The following NQO2 variants were observed in gnomAD, a reference collection of about 807,000 sequenced individuals.
NQO2 encodes ribosyldihydronicotinamide dehydrogenase [quinone].
A neutral mutation model predicts 22.0 loss-of-function variants in NQO2; 18 were observed. The observed-to-expected ratio is 0.82, with a 90% CI of 0.56 to 1.21. The LOEUF is 1.21. NQO2 is among the 50% of genes most tolerant of loss of function. NQO2 has a pLI of 0.00. For missense variants in NQO2, 267 were observed against 286.9 expected (o/e 0.93, Z 0.50); for synonymous variants, 106 against 110.8 (o/e 0.96, Z 0.28).
At position 3,015,522 on chromosome 6, in the gene NQO2, GC is replaced by G. The variant is rs1561716461; in HGVS notation, c.304-5del. On this transcript the variant is annotated splice_region_variant and splice_polypyrimidine_tract_variant and intron_variant, in intron 4 of 6. Transcript: ENST00000380455. ...GCCTCAGTTTCTCTTTGGTGTTGCC[GC>G]CCACAGTTCCCGCTGTACTGGTTCA... The G allele has an allele frequency of 6.2e-7, 1 of 1,611,258 alleles. No homozygotes were observed.
At position 3,006,625 on chromosome 6, in the gene NQO2, A is replaced by G. The variant is rs28383616; in HGVS notation, c.7+66A>G. 84,111 of 1,496,444 alleles carry G rather than the reference A, an allele frequency of 0.056. 2,842 individuals are homozygous for G. Among genetic ancestry groups the G allele is most frequent in the Middle Eastern group, 0.083 (462 of 5,566 alleles). 92.7% of individuals were successfully genotyped at this position (1,496,444 alleles called of 1,614,324 possible). On this transcript the variant is annotated intron_variant, in intron 2 of 6. Transcript: ENST00000380455. This position sits in a 1 kb window ranked among gnomAD's most constrained non-coding sequence, Gnocchi z 4.0. ...GAGATGGGATTTTGTTGTATTGCCC[A>G]GGCTGGTCTCAAACTCCTGAGCTCA...
At chr6:3,006,000 A>G (rs1033822772) in intron 1 of NQO2, among the ~76,000 whole-genome samples, 1 of 152,180 alleles carries the variant, frequency 6.6e-6, no homozygotes. Flanking sequence ...GCCTGGGTCT[A>G]AGCCAACTCC....
intron 4 of NQO2, 162 bp from the exon 5 acceptor site, chr6:3,015,368 C>T (rs1757286919): frequency 1.0e-5 from 10 of 985,336 alleles, no homozygotes; most frequent in Non-Finnish European, 1.2e-5. Context: ...GTCTGACACC[C>T]ACACTGCACC....
Position 3,012,543 on chromosome 6 carries a change from G to A in NQO2, c.173-1G>A, listed in dbSNP as rs751167899. The A allele has an allele frequency of 1.9e-6, 3 of 1,613,936 alleles. No individual in the cohort carries two copies. In the Admixed American group the frequency reaches 5.0e-5, roughly 27 times the overall value. On this transcript the variant is annotated splice_acceptor_variant, in intron 3 of 6. Transcript: ENST00000380455. LOFTEE classifies it high-confidence loss of function. ...AGAATGTTTGGCCTCTTCCCCGACA[G>A]GTACTCTTTCTAATCCTGAGGTTTT...
chr6:3,003,325 AC>A (rs1303041607), intron 1 of NQO2, among the ~76,000 whole-genome samples: 2 of 151,008 alleles, frequency 1.3e-5, no homozygotes, highest in South Asian at 4.2e-4. Context: ...TTGAGGAGTG[AC>A]CCCCAGGAAC....
rs1265523523 is a variant in NQO2 at position 3,003,798 on chromosome 6, A to G, written c.-85-2670A>G. ...ACCTTAAACACAGCAAGGTACTTGG[A>G]CACAAAGCCTGTGCCTGGAGCACTT... On this transcript the variant is annotated intron_variant, in intron 1 of 6. Coordinates refer to ENST00000380455, the MANE Select transcript of NQO2 (RefSeq NM_000904.6). 5 of 955,854 alleles carry G rather than the reference A, an allele frequency of 5.2e-6. 1 individual carries two copies. Among genetic ancestry groups the G allele is most frequent in the Non-Finnish European group, 6.2e-6 (5 of 808,528 alleles). 59.2% of individuals were successfully genotyped at this position (955,854 alleles called of 1,614,324 possible).
chr6:3,016,864 A>G lies in NQO2; in HGVS notation c.418-20A>G. On this transcript the variant is annotated intron_variant, in intron 5 of 6. Coordinates refer to ENST00000380455, the MANE Select transcript of NQO2 (RefSeq NM_000904.6). Reference sequence around the variant, plus strand: ...CCTCTTCTGGAGTCCACACAAATGCATCTGCTTTCTCCCTTGCAGGGTAAA... The same window carrying G: ...CCTCTTCTGGAGTCCACACAAATGCGTCTGCTTTCTCCCTTGCAGGGTAAA... 1.2e-6 allele frequency: 2 copies of G among 1,612,444 alleles called. No individual in the cohort carries two copies. Among genetic ancestry groups the G allele is most frequent in the South Asian group, 1.1e-5 (1 of 91,018 alleles).
At chr6:3,018,035 C>G (rs578209067) in intron 6 of NQO2, among the ~76,000 whole-genome samples, 2 of 152,156 alleles carry the variant, frequency 1.3e-5, no homozygotes, top group Non-Finnish European at 2.9e-5. Context: ...TAAGTTCATT[C>G]CTTGCTTTTG....
At chr6:3,015,747 A>G in intron 5 of NQO2, 104 bp downstream of exon 5, 1 of 1,118,342 alleles carries the variant, frequency 8.9e-7, no homozygotes, top group South Asian at 1.4e-5. Flanking sequence ...TTTCTTAGCA[A>G]ATATCGATTG....
chr6:3,016,881 C>G lies in NQO2; in HGVS notation c.418-3C>G. ...ACAAATGCATCTGCTTTCTCCCTTG[C>G]AGGGTAAACTAGCGCTCCTTTCCGT... On this transcript the variant is annotated splice_polypyrimidine_tract_variant and splice_region_variant and intron_variant, in intron 5 of 6. Transcript: ENST00000380455. 1 of 1,613,488 alleles carries G rather than the reference C, an allele frequency of 6.2e-7. No individual in the cohort carries two copies. Among genetic ancestry groups the G allele is most frequent in the Non-Finnish European group, 8.5e-7 (1 of 1,179,998 alleles).
rs777483868 is a variant in NQO2, at chr6:3,010,075, G to C, written c.58G>C (p.Gly20Arg). ...YAHQEPKSFN[G>R]SLKNVAVDEL... ...ACACCAGGAACCCAAGTCTTTCAAC[G>C]GATCCTTGAAGAATGTGGCTGTAGA... The change falls in exon 3 of 7, where the codon GGA becomes CGA. Residue 20 changes from glycine (G) to arginine (R), a missense_variant. By Grantham distance (125) the Gly-to-Arg change is moderately radical. Transcript: ENST00000380455. The C allele has an allele frequency of 6.2e-7, 1 of 1,613,906 alleles. No homozygotes were observed. The highest frequency in any genetic ancestry group is 1.3e-5 in the African/African-American group (1 of 74,870).
chr6:3,008,099 TA>T (rs1398586009), intron 2 of NQO2, among the ~76,000 whole-genome samples: 2 of 152,240 alleles, frequency 1.3e-5, no homozygotes, highest in African/African-American at 4.8e-5. Flanking sequence ...CCCATTGCTT[TA>T]AAACTGCCAC....
intron 4 of NQO2, among the ~76,000 whole-genome samples, chr6:3,014,169 A>G (rs1253960412): frequency 6.6e-6 from 1 of 152,196 alleles, no homozygotes; most frequent in Non-Finnish European, 1.5e-5. Context: ...GAGGTTCCCA[A>G]GCCTTCATAA....
Position 3,006,947 on chromosome 6 carries a change from G to A in NQO2, c.7+388G>A. On this transcript the variant is annotated intron_variant, in intron 2 of 6. Coordinates refer to ENST00000380455, the MANE Select transcript of NQO2 (RefSeq NM_000904.6). This position sits in a 1 kb window ranked among gnomAD's most constrained non-coding sequence, Gnocchi z 4.0. ...AGGAGGCATCTTGGGTAAAAATTCA[G>A]TACGATTCTATCTTTGCTTTTGCAA... The A allele has an allele frequency of 7.4e-6, 3 of 406,194 alleles. No homozygotes were observed. Among genetic ancestry groups the A allele is most frequent in the Non-Finnish European group, 1.3e-5 (3 of 230,436 alleles). 25.2% of individuals were successfully genotyped at this position (406,194 alleles called of 1,614,324 possible).
At chr6:3,013,996 G>T (rs923334154) in intron 4 of NQO2, among the ~76,000 whole-genome samples, 3 of 152,118 alleles carry the variant, frequency 2.0e-5, no homozygotes, top group Non-Finnish European at 2.9e-5. Context: ...CCAACCAAGG[G>T]ATCTGATTGG....
At chr6:3,000,702 T>C (rs928768787) in intron 1 of NQO2, among the ~76,000 whole-genome samples, 3 of 150,192 alleles carry the variant, frequency 2.0e-5, no homozygotes, top group South Asian at 2.1e-4. Flanking sequence ...CCACCACGCC[T>C]GGCTAATTTT....
intron 6 of NQO2, chr6:3,019,223 C>A: frequency 3.3e-6 from 1 of 302,556 alleles, no homozygotes; most frequent in Non-Finnish European, 4.9e-6. Flanking sequence ...GAATCAGTTG[C>A]AAAGATTGTA....
chr6:3,013,157 G>A (rs1018284642), intron 4 of NQO2, among the ~76,000 whole-genome samples: 5 of 151,478 alleles, frequency 3.3e-5, no homozygotes, highest in African/African-American at 7.3e-5. Context: ...GGGTTTCACC[G>A]TGTTAGCCAG....
chr6:3,011,546 A>G (rs1757133958), intron 3 of NQO2, among the ~76,000 whole-genome samples: 1 of 152,240 alleles, frequency 6.6e-6, no homozygotes, highest in South Asian at 2.1e-4. Context: ...AGAAATAATA[A>G]CAGAAAAATT....
Sources: allele counts gnomAD v4.1 joint callset (sites outside exome capture counted in the v4.1 genomes callset), GRCh38; gene constraint gnomAD v4.1.1; non-coding constraint Gnocchi (gnomAD v3.1); transcripts MANE v1.5; gene names NCBI Gene and HGNC (gene_info 2026-07-23, HGNC 2026-07-21).